ZC3H13: variants seen among roughly 807,000 people sequenced by gnomAD.
The protein encoded by ZC3H13 is zinc finger CCCH-type containing 13.
ZC3H13 carries 64 observed loss-of-function variants against 204.1 expected under a neutral mutation model. The ratio of observed to expected loss-of-function variants is 0.31; its 90% CI spans 0.26 to 0.39. The LOEUF (loss-of-function observed/expected upper bound fraction) is 0.39. Ranked by LOEUF, ZC3H13 falls within the 10% of genes least tolerant of loss-of-function variation. ZC3H13 has a pLI of 1.00. For missense variants in ZC3H13, 1,833 were observed against 2,082.7 expected (o/e 0.88, Z 2.33); for synonymous variants, 667 against 693.7 (o/e 0.96, Z 0.60).
At chr13:45,986,411 A>G (rs1954196347) in intron 9 of ZC3H13, among the ~76,000 whole-genome samples, 1 of 152,208 alleles carries the variant, frequency 6.6e-6, no homozygotes, top group Non-Finnish European at 1.5e-5. Flanking sequence ...TGGGCAACAT[A>G]GGAAGATGAG....
At chr13:45,987,410 T>A (rs1291052358) in intron 9 of ZC3H13, among the ~76,000 whole-genome samples, 1 of 152,204 alleles carries the variant, frequency 6.6e-6, no homozygotes, top group African/African-American at 2.4e-5. Context: ...ATGTACTATA[T>A]TCCTGGTCAA....
intron 4 of ZC3H13, among the ~76,000 whole-genome samples, chr13:46,038,520 CAGAGA>C (rs1206785756): frequency 1.3e-5 from 2 of 152,192 alleles, no homozygotes; most frequent in African/African-American, 4.8e-5. Context: ...ACATCAGTGA[CAGAGA>C]AGAGGAGGAA....
intron 5 of ZC3H13, among the ~76,000 whole-genome samples, chr13:46,013,338 C>T (rs906349147): frequency 3.3e-5 from 5 of 151,522 alleles, no homozygotes; most frequent in Non-Finnish European, 7.4e-5. Flanking sequence ...TGCTTGAACC[C>T]GGGAGACGGA....
chr13:45,993,706 T>C (rs1466944364), intron 8 of ZC3H13, among the ~76,000 whole-genome samples: 3 of 152,214 alleles, frequency 2.0e-5, no homozygotes, highest in Non-Finnish European at 4.4e-5. Flanking sequence ...TGCTTCTGTG[T>C]GATTTGTTTT....
rs902772988 is a variant in ZC3H13 at position 45,979,289 on chromosome 13, A to G, written c.1912+524T>C. On this transcript the variant is annotated intron_variant, in intron 11 of 18. Coordinates refer to ENST00000679008, the MANE Select transcript of ZC3H13 (RefSeq NM_001330564.2). ...CAGAAAAAGTTTTAGCTTAAGACAT[A>G]TAAGAACGTAAAATTAGCTAAAGCA... Among the ~76,000 whole-genome samples, 7 of 152,316 alleles carry G rather than the reference A, an allele frequency of 4.6e-5. No homozygotes were observed. The South Asian group carries it at 1.4e-3, about 32-fold the overall frequency.
chr13:46,023,036 TTCA>T (rs1438091502), intron 4 of ZC3H13, among the ~76,000 whole-genome samples: 3 of 152,172 alleles, frequency 2.0e-5, no homozygotes, highest in Non-Finnish European at 4.4e-5. Flanking sequence ...GCAGATTATG[TTCA>T]TCATTAATTT....
intron 17 of ZC3H13, among the ~76,000 whole-genome samples, chr13:45,960,192 A>G (rs1263368552): frequency 1.3e-5 from 2 of 151,992 alleles, no homozygotes; most frequent in Non-Finnish European, 2.9e-5. Context: ...CCTGACCTCA[A>G]GTGATCTGCC....
intron 8 of ZC3H13, among the ~76,000 whole-genome samples, chr13:45,991,963 G>C (rs1336773613): frequency 6.6e-6 from 1 of 152,108 alleles, no homozygotes; most frequent in Non-Finnish European, 1.5e-5. Context: ...CAAACTAATA[G>C]GTTTACCCCA....
Position 45,970,352 on chromosome 13 carries a change from G to A in ZC3H13, c.2572+10C>T, listed in dbSNP as rs367617751. On this transcript the variant is annotated intron_variant, in intron 13 of 18. Coordinates refer to ENST00000679008, the MANE Select transcript of ZC3H13 (RefSeq NM_001330564.2). The stretch of plus-strand genomic sequence containing the variant: ...TGAATATAGAGAGACAGAAAACAGA[G>A]TCTGCTTACTTTTATCATCTCCACT... 9 of 1,612,270 alleles carry A rather than the reference G, an allele frequency of 5.6e-6. No homozygotes were observed. Among genetic ancestry groups the A allele is most frequent in the Non-Finnish European group, 7.6e-6 (9 of 1,178,694 alleles).
At position 45,979,802 on chromosome 13, in the gene ZC3H13, G is replaced by A. The variant is rs199725174; in HGVS notation, c.1912+11C>T. 9.0e-6 allele frequency: 14 copies of A among 1,547,286 alleles called. No individual in the cohort carries two copies. The Admixed American group carries it at 2.6e-4, about 29-fold the overall frequency. On this transcript the variant is annotated intron_variant, in intron 11 of 18. Coordinates refer to ENST00000679008, the MANE Select transcript of ZC3H13 (RefSeq NM_001330564.2). ...ATTGTTCACTATTTAATAAAATTCT[G>A]TTTGACAAACCTCTCTCTCTGTTGT...
At chr13:45,976,073 AC>A (rs1325260049) in intron 11 of ZC3H13, 1 of 740,728 alleles carries the variant, frequency 1.4e-6, no homozygotes, top group African/African-American at 1.9e-5. Flanking sequence ...CTCCCCGTCA[AC>A]CCCCTTCCCC....
chr13:45,996,504 A>G (rs1184528001), intron 8 of ZC3H13, among the ~76,000 whole-genome samples: 2 of 152,200 alleles, frequency 1.3e-5, no homozygotes, highest in African/African-American at 4.8e-5. Context: ...CCAGAAATAA[A>G]CAATTCATAT....
chr13:45,976,143 A>G (rs1953030233), intron 11 of ZC3H13: 1 of 972,752 alleles, frequency 1.0e-6, no homozygotes, highest in African/African-American at 1.9e-5. Flanking sequence ...CCTCCAGCCC[A>G]CTGCTCCAAC....
intron 3 of ZC3H13, among the ~76,000 whole-genome samples, chr13:46,044,694 A>G (rs750640876): frequency 8.5e-5 from 13 of 152,116 alleles, no homozygotes; most frequent in African/African-American, 1.7e-4. Flanking sequence ...ATTAGGGGGG[A>G]AAAAGTAAGC....
In ZC3H13 at chr13:45,969,966, T is replaced by C; in HGVS notation, c.2578A>G (p.Lys860Glu). The C allele has an allele frequency of 6.2e-7, 1 of 1,605,194 alleles. No individual in the cohort carries two copies. Among genetic ancestry groups the C allele is most frequent in the Non-Finnish European group, 8.5e-7 (1 of 1,177,670 alleles). Residue 860 changes from lysine (K) to glutamate (E), a missense_variant, in exon 14 of 19, where the codon AAA (lysine) becomes GAA (glutamate). This residue lies in a region of ZC3H13 where 1,574 missense variants were observed against 1,757.2 expected (regional missense o/e 0.90). Transcript: ENST00000679008. The stretch of plus-strand genomic sequence containing the variant: ...ACAACTTGGCTCAAGAGTCTGTGTT[T>C]TTCATCTATATAAAAGATAAAAGCA... ...AYNSGDDKNE[K>E]HRLLSQVVRP...
Position 45,969,581 on chromosome 13 carries a change from T to A in ZC3H13, c.2963A>T (p.Asp988Val). The A allele has an allele frequency of 6.2e-7, 1 of 1,610,960 alleles. No homozygotes were observed. The highest frequency in any genetic ancestry group is 8.5e-7 in the Non-Finnish European group (1 of 1,179,338). Reference sequence around the variant, plus strand: ...TTTTTTTGGTGAAAATACTTGACCATCTTCAGATGTTGTCTCTATGTTACC... The same window carrying A: ...TTTTTTTGGTGAAAATACTTGACCAACTTCAGATGTTGTCTCTATGTTACC... The part of the protein sequence containing the change: ...ERGNIETTSE[D>V]GQVFSPKKGQ... The change falls in exon 14 of 19, where the codon GAT (aspartate) becomes GTT (valine). Residue 988 changes from aspartate to valine, a missense_variant. Around this residue, in one of 5 missense-constraint regions of ZC3H13, gnomAD observed 1,574 missense variants for 1,757.2 expected, o/e 0.90. Transcript: ENST00000679008.
intron 5 of ZC3H13, among the ~76,000 whole-genome samples, chr13:46,014,260 C>T (rs533175598): frequency 1.3e-5 from 2 of 151,934 alleles, no homozygotes; most frequent in African/African-American, 4.8e-5. Flanking sequence ...TGGTTTGTAC[C>T]TATAGGTACA....
intron 7 of ZC3H13, among the ~76,000 whole-genome samples, chr13:46,005,789 CTCTTT>C (rs2041097671): frequency 6.6e-6 from 1 of 152,116 alleles, no homozygotes; most frequent in African/African-American, 2.4e-5. Context: ...GAACTCTTTT[CTCTTT>C]TAAAATATTG....
rs1952193525 is a variant in ZC3H13 at position 45,967,497 on chromosome 13, C to A, written c.4321+7G>T. 2 of 1,535,962 alleles carry A rather than the reference C, an allele frequency of 1.3e-6. No homozygotes were observed. Among genetic ancestry groups the A allele is most frequent in the Non-Finnish European group, 1.7e-6 (2 of 1,146,508 alleles). On this transcript the variant is annotated splice_region_variant and intron_variant, in intron 15 of 18. Transcript: ENST00000679008. Reference sequence around the variant, plus strand: ...GCAGTATCACAGACAACAGAGGTAGCACTCACCTTCCAGACTCTCAGTTCT... The same window carrying A: ...GCAGTATCACAGACAACAGAGGTAGAACTCACCTTCCAGACTCTCAGTTCT...
Sources: gnomAD v4.1 joint callset for allele counts (sites outside exome capture counted in the v4.1 genomes callset) on GRCh38, gnomAD v4.1.1 for gene constraint, gnomAD v4.1.1 regional missense constraint, MANE v1.5 for transcripts, NCBI Gene and HGNC (gene_info 2026-07-23, HGNC 2026-07-21) for gene names.